Variants in CHRNA7 observed in about 807,000 individuals in gnomAD.
CHRNA7 encodes neuronal acetylcholine receptor subunit alpha-7.
Under a neutral mutation model 48.0 loss-of-function variants are expected in CHRNA7, and 17 were observed. That is an observed-to-expected ratio of 0.35 (90% confidence interval 0.24 to 0.53). The LOEUF is 0.53. Ranked by LOEUF, CHRNA7 falls within the 20% of genes least tolerant of loss-of-function variation. The pLI, the probability that CHRNA7 is intolerant of heterozygous loss-of-function variation, is 0.92. For synonymous variants in CHRNA7, 75 were observed against 242.3 expected, an observed-to-expected ratio of 0.31 and a Z score of 6.41; for missense variants, 155 against 577.7, an observed-to-expected ratio of 0.27 and a Z score of 7.50.
chr15:32,084,831 CTCTTTT>C (rs1331597783), intron 2 of CHRNA7, among the ~76,000 whole-genome samples: 1 of 46,034 alleles, frequency 2.2e-5, no homozygotes, highest in Non-Finnish European at 4.4e-5. Context: ...TGACCTCTGA[CTCTTTT>C]TTTTTTTTTT....
chr15:32,091,022 AC>A (rs1207616384), intron 2 of CHRNA7, among the ~76,000 whole-genome samples: 4 of 151,886 alleles, frequency 2.6e-5, no homozygotes, highest in Non-Finnish European at 4.4e-5. Flanking sequence ...TGTTTAACCC[AC>A]CCATTGAGCT....
At chr15:32,146,273 C>T (rs901886244) in intron 4 of CHRNA7, among the ~76,000 whole-genome samples, 2 of 152,008 alleles carry the variant, frequency 1.3e-5, no homozygotes, top group Admixed American at 1.3e-4. Flanking sequence ...TATTTAAAAC[C>T]CATTTGTAAT....
intron 4 of CHRNA7, among the ~76,000 whole-genome samples, chr15:32,150,742 T>C (rs903731886): frequency 1.3e-5 from 2 of 152,178 alleles, no homozygotes; most frequent in African/African-American, 4.8e-5. Flanking sequence ...CCATAGGGTC[T>C]CAGGGCTCCA....
intron 2 of CHRNA7, among the ~76,000 whole-genome samples, chr15:32,031,484 C>T (rs923382819): frequency 4.6e-5 from 7 of 152,244 alleles, no homozygotes; most frequent in Non-Finnish European, 8.8e-5. Context: ...GGGCCTGGCC[C>T]TGAGCTTTGC....
intron 4 of CHRNA7, among the ~76,000 whole-genome samples, chr15:32,141,464 C>T (rs979940985): frequency 2.0e-5 from 3 of 152,144 alleles, no homozygotes; most frequent in Non-Finnish European, 2.9e-5. Flanking sequence ...TGAAGAAAGT[C>T]ATTGGTAGCT....
chr15:32,142,834 G>A (rs535926339), intron 4 of CHRNA7, among the ~76,000 whole-genome samples: 11 of 151,996 alleles, frequency 7.2e-5, no homozygotes, highest in East Asian at 1.9e-4. Flanking sequence ...TCTTGCTAGC[G>A]GTCTGTCTAT....
Position 32,041,678 on chromosome 15 carries a change from T to TTAG in CHRNA7, c.195+10642_195+10643insAGT, listed in dbSNP as rs1243633442. ...GTAATTGTCCCACAATCCTTGGATA[T>TTAG]TCTATTCTGTTGTTTTCAGTCTTTG... On this transcript the variant is annotated intron_variant, in intron 2 of 9. Transcript: ENST00000306901. Among the ~76,000 whole-genome samples, 3 of 152,264 alleles carry TTAG rather than the reference T, an allele frequency of 2.0e-5. No homozygotes were observed. The East Asian group carries it at 5.8e-4, about 29-fold the overall frequency.
chr15:32,102,772 G>A (rs891384578), intron 3 of CHRNA7: 46 of 152,142 alleles, frequency 3.0e-4, no homozygotes, highest in African/African-American at 1.0e-3. Flanking sequence ...ACTAGGTGTA[G>A]TAACATGAGT....
intron 9 of CHRNA7, chr15:32,166,149 C>CACTT (rs200933275): frequency 6.6e-6 from 1 of 152,192 alleles, no homozygotes. Flanking sequence ...GTGACATAAC[C>CACTT]ACTTACTTAC....
chr15:32,066,166 C>T (rs1185150520), intron 2 of CHRNA7, among the ~76,000 whole-genome samples: 1 of 152,182 alleles, frequency 6.6e-6, no homozygotes, highest in African/African-American at 2.4e-5. Flanking sequence ...AGTGAGTATA[C>T]ACAACAAAAG....
chr15:32,084,690 C>T (rs74727152), intron 2 of CHRNA7, among the ~76,000 whole-genome samples: 11 of 152,342 alleles, frequency 7.2e-5, no homozygotes, highest in African/African-American at 2.4e-4. Context: ...ACCAGCTGCC[C>T]TGGGAAACTC....
At chr15:32,033,951 A>G (rs971359514) in intron 2 of CHRNA7, among the ~76,000 whole-genome samples, 1 of 152,214 alleles carries the variant, frequency 6.6e-6, no homozygotes, top group Non-Finnish European at 1.5e-5. Context: ...TCTTTAATCA[A>G]TTTATTCCAC....
intron 2 of CHRNA7, among the ~76,000 whole-genome samples, chr15:32,078,236 G>A (rs1488195169): frequency 6.6e-6 from 1 of 152,072 alleles, no homozygotes; most frequent in Non-Finnish European, 1.5e-5. Flanking sequence ...ATGAAGTCCA[G>A]TCTATCAATT....
intron 4 of CHRNA7, among the ~76,000 whole-genome samples, chr15:32,117,647 G>A (rs2050896242): frequency 6.6e-6 from 1 of 152,114 alleles, no homozygotes; most frequent in Non-Finnish European, 1.5e-5. Flanking sequence ...AATTTCACTG[G>A]ACTAAAGAAG....
At chr15:32,101,387 G>T in intron 3 of CHRNA7, 40 bp downstream of exon 3, 1 of 1,550,876 alleles carries the variant, frequency 6.4e-7, no homozygotes, top group Non-Finnish European at 8.7e-7. Flanking sequence ...TGGGCTGCAA[G>T]ATCTTGCACC....
chr15:32,080,596 C>T (rs1021085181), intron 2 of CHRNA7, among the ~76,000 whole-genome samples: 1 of 152,114 alleles, frequency 6.6e-6, no homozygotes, highest in African/African-American at 2.4e-5. Context: ...CAATGAGATA[C>T]CAACTCATGC....
At chr15:32,061,665 G>C (rs546118687) in intron 2 of CHRNA7, among the ~76,000 whole-genome samples, 1 of 152,070 alleles carries the variant, frequency 6.6e-6, no homozygotes, top group African/African-American at 2.4e-5. Flanking sequence ...GAGATTAGCC[G>C]GGCGTGGTGG....
At chr15:32,063,873 A>G (rs1041990142) in intron 2 of CHRNA7, among the ~76,000 whole-genome samples, 2 of 152,220 alleles carry the variant, frequency 1.3e-5, no homozygotes, top group Non-Finnish European at 2.9e-5. Context: ...AATAGCTATC[A>G]ACTAGAGAAT....
chr15:32,138,381 T>A (rs1486812802), intron 4 of CHRNA7, among the ~76,000 whole-genome samples: 1 of 152,192 alleles, frequency 6.6e-6, no homozygotes, highest in Non-Finnish European at 1.5e-5. Flanking sequence ...ACTTTGTTTT[T>A]TAAAGCAGTT....
Sources: allele counts gnomAD v4.1 joint callset (sites outside exome capture counted in the v4.1 genomes callset), GRCh38; gene constraint gnomAD v4.1.1; transcripts MANE v1.5; gene names NCBI Gene and HGNC (gene_info 2026-07-23, HGNC 2026-07-21).